Variants in GBE1 observed in about 807,000 individuals in gnomAD.
The protein encoded by GBE1 is 1,4-alpha-glucan-branching enzyme.
GBE1 carries 70 observed loss-of-function variants against 88.8 expected under a neutral mutation model. That is an observed-to-expected ratio of 0.79 (90% CI 0.65 to 0.96). The LOEUF is 0.96. Among genes scored for constraint, GBE1 ranks in the 40% least tolerant of loss-of-function variants. GBE1 has a pLI of 0.00. For synonymous variants in GBE1, 284 were observed against 300.1 expected (o/e 0.95, Z 0.56); for missense variants, 872 against 871.0 (o/e 1.00, Z -0.01).
intron 7 of GBE1, among the ~76,000 whole-genome samples, chr3:81,631,142 T>C (rs914062487): frequency 6.6e-6 from 1 of 151,976 alleles, no homozygotes; most frequent in African/African-American, 2.4e-5. Context: ...AGGTCAAGGC[T>C]GTCACGAGCC....
At chr3:81,497,251 C>T (rs1702512575) in intron 15 of GBE1, among the ~76,000 whole-genome samples, 1 of 152,112 alleles carries the variant, frequency 6.6e-6, no homozygotes, top group South Asian at 2.1e-4. Context: ...TGAGCCGTCG[C>T]CTAAGAAGAT....
intron 2 of GBE1, among the ~76,000 whole-genome samples, chr3:81,702,142 T>A (rs1705703236): frequency 7.0e-6 from 1 of 143,372 alleles, no homozygotes; most frequent in African/African-American, 2.6e-5. Flanking sequence ...TGTGTGTGTG[T>A]GTGTGTGTGT....
At chr3:81,660,694 T>C (rs1705015002) in intron 3 of GBE1, among the ~76,000 whole-genome samples, 1 of 141,756 alleles carries the variant, frequency 7.1e-6, no homozygotes, top group Admixed American at 7.0e-5. Context: ...TGGATAAAGA[T>C]GAACATACTG....
rs188849702 is a variant in GBE1 at position 81,759,113 on chromosome 3, T to C, written c.143+2262A>G. On this transcript the variant is annotated intron_variant, in intron 1 of 15. Transcript: ENST00000429644. ...CAGCCACTTGGAACTGTAAGTCCAA[T>C]AAACCTCTTCCTTTTGTAAATTGCC... Among the ~76,000 whole-genome samples the C allele has an allele frequency of 8.5e-5, 13 of 152,322 alleles. No individual in the cohort carries two copies. The East Asian group carries it at 2.1e-3, about 25-fold the overall frequency.
chr3:81,657,867 A>G (rs1704964510), intron 3 of GBE1, among the ~76,000 whole-genome samples: 1 of 152,114 alleles, frequency 6.6e-6, no homozygotes, highest in South Asian at 2.1e-4. Flanking sequence ...GGCTCTTTAC[A>G]TCTACAATGT....
chr3:81,539,296 A>G (rs1242095826), intron 12 of GBE1, among the ~76,000 whole-genome samples: 2 of 152,024 alleles, frequency 1.3e-5, no homozygotes, highest in Non-Finnish European at 1.5e-5. Flanking sequence ...CCAGGTATGT[A>G]TCAGATGCAC....
intron 6 of GBE1, 111 bp downstream of exon 6, chr3:81,646,281 T>A (rs1469527075): frequency 1.4e-6 from 1 of 700,192 alleles, no homozygotes; most frequent in Non-Finnish European, 2.5e-6. Flanking sequence ...TTCTATTAAC[T>A]CTGTTAACCC....
chr3:81,510,491 C>G (rs1446706807), intron 14 of GBE1, among the ~76,000 whole-genome samples: 1 of 152,092 alleles, frequency 6.6e-6, no homozygotes, highest in Non-Finnish European at 1.5e-5. Context: ...GCAAAGCTTG[C>G]AGGTGTGCAT....
chr3:81,712,781 A>G (rs1263415566), intron 1 of GBE1, among the ~76,000 whole-genome samples: 2 of 152,018 alleles, frequency 1.3e-5, no homozygotes, highest in Admixed American at 1.3e-4. Context: ...CATATACCCT[A>G]GAACTTAAAG....
intron 1 of GBE1, among the ~76,000 whole-genome samples, chr3:81,735,902 G>T (rs1706251735): frequency 6.6e-6 from 1 of 152,094 alleles, no homozygotes; most frequent in African/African-American, 2.4e-5. Flanking sequence ...CCAATTTATT[G>T]TATGCTTAAG....
At chr3:81,655,808 C>A (rs1447915458) in intron 3 of GBE1, among the ~76,000 whole-genome samples, 1 of 152,180 alleles carries the variant, frequency 6.6e-6, no homozygotes, top group Non-Finnish European at 1.5e-5. Context: ...GGCTGAGCCA[C>A]CACGCCCAGC....
chr3:81,653,802 T>C (rs1450425068), intron 3 of GBE1, among the ~76,000 whole-genome samples: 3 of 152,072 alleles, frequency 2.0e-5, no homozygotes, highest in Non-Finnish European at 4.4e-5. Context: ...AAAATATCAA[T>C]ATGGTTACCT....
At chr3:81,643,105 A>T in intron 6 of GBE1, 115 bp from the exon 7 acceptor site, 1 of 702,374 alleles carries the variant, frequency 1.4e-6, no homozygotes, top group South Asian at 1.7e-5. Context: ...TCCAAACAGC[A>T]TGTGACATGA....
At chr3:81,585,868 T>C (rs1703796707) in intron 10 of GBE1, among the ~76,000 whole-genome samples, 2 of 152,226 alleles carry the variant, frequency 1.3e-5, no homozygotes, top group East Asian at 3.8e-4. Context: ...ATGATATTAA[T>C]CATATTTTCC....
intron 1 of GBE1, among the ~76,000 whole-genome samples, chr3:81,748,529 T>C (rs1403335593): frequency 6.6e-6 from 1 of 151,812 alleles, no homozygotes; most frequent in Admixed American, 6.6e-5. Flanking sequence ...GAGAATGGCG[T>C]GAACCCGGGA....
At chr3:81,583,215 C>T (rs113703946) in intron 10 of GBE1, among the ~76,000 whole-genome samples, 1 of 152,064 alleles carries the variant, frequency 6.6e-6, no homozygotes, top group Non-Finnish European at 1.5e-5. Context: ...AACATAGTGA[C>T]AACACCAAAT....
intron 12 of GBE1, among the ~76,000 whole-genome samples, chr3:81,558,461 T>C (rs1008308518): frequency 6.6e-6 from 1 of 152,058 alleles, no homozygotes; most frequent in East Asian, 1.9e-4. Flanking sequence ...TGTTATAAAA[T>C]ATTTTTTGCT....
chr3:81,581,480 T>C (rs1703730531), intron 10 of GBE1, among the ~76,000 whole-genome samples: 1 of 151,512 alleles, frequency 6.6e-6, no homozygotes, highest in South Asian at 2.1e-4. Context: ...TGGTGTAGAG[T>C]GTGTTTGTGT....
chr3:81,622,354 G>C (rs1704344644), intron 7 of GBE1, among the ~76,000 whole-genome samples: 1 of 152,088 alleles, frequency 6.6e-6, no homozygotes, highest in Admixed American at 6.6e-5. Context: ...ATTTAAATAG[G>C]TCCTCCCATT....
Sources: gnomAD v4.1 joint callset for allele counts (sites outside exome capture counted in the v4.1 genomes callset) on GRCh38, gnomAD v4.1.1 for gene constraint, MANE v1.5 for transcripts, NCBI Gene and HGNC (gene_info 2026-07-23, HGNC 2026-07-21) for gene names.